Variants in LYRM7 observed in about 807,000 individuals in gnomAD.
LYRM7 encodes the protein LYR motif containing 7, also known as complex III assembly factor LYRM7.
A neutral mutation model predicts 15.8 loss-of-function variants in LYRM7; 9 were observed. That is an observed-to-expected ratio of 0.57 (90% CI 0.34 to 0.99). LYRM7 has a LOEUF of 0.99. LYRM7 is among the 50% of genes least tolerant of loss of function. The pLI is 0.02. For missense variants in LYRM7, 115 were observed against 119.1 expected (o/e 0.97, Z 0.16); for synonymous variants, 39 against 39.4 (o/e 0.99, Z 0.04).
At chr5:131,181,302 A>AATATATATATATATATATATATAT (rs1561544194) in intron 2 of LYRM7, among the ~76,000 whole-genome samples, 12 of 8,774 alleles carry the variant, frequency 1.4e-3, no homozygotes, top group East Asian at 3.3e-3. Context: ...AAAAAAAAAA[A>AATATATATATATATATATATATAT]ATATATATAT....
At chr5:131,180,009 C>T (rs1385990722) in intron 1 of LYRM7, 86 bp from the exon 2 acceptor site, 12 of 881,256 alleles carry the variant, frequency 1.4e-5, no homozygotes, top group East Asian at 1.0e-4. Flanking sequence ...TGGGCTAAAG[C>T]GATCCTGCTA....
rs1183966670 is a variant in LYRM7 at position 131,203,491 on chromosome 5, T to A, written c.*3890T>A. ...GGTGGATCACCTGAGGTTGGGAGTT[T>A]GAGACCAGCCTGACCAACATGGAGA... On this transcript the variant is annotated 3_prime_UTR_variant, in exon 5 of 5. Transcript: ENST00000379380. 1 of 152,196 alleles carries A rather than the reference T, an allele frequency of 6.6e-6. No homozygotes were observed. Among genetic ancestry groups the A allele is most frequent in the Non-Finnish European group, 1.5e-5 (1 of 68,072 alleles). 9.4% of individuals were successfully genotyped at this position (152,196 alleles called of 1,614,324 possible).
chr5:131,181,316 T>TATACATATATATATATATATAC (rs1208669077), intron 2 of LYRM7, among the ~76,000 whole-genome samples: 1 of 27,648 alleles, frequency 3.6e-5, no homozygotes, highest in African/African-American at 1.0e-4. Context: ...TATATATATA[T>TATACATATATATATATATATAC]ACACACACAC....
Position 131,201,927 on chromosome 5 carries a change from G to C in LYRM7, c.*2326G>C, listed in dbSNP as rs1310458046. The C allele has an allele frequency of 6.6e-6, 1 of 152,062 alleles. No individual in the cohort carries two copies. Among genetic ancestry groups the C allele is most frequent in the African/African-American group, 2.4e-5 (1 of 41,400 alleles). The allele number at this position is 152,062 out of a possible 1,614,324, so 9.4% of individuals were successfully genotyped here. ...ATGGTCCACTAAAGCCTTGACCCCTGGGGCTCAGCAGTTATGCCAACTAAG... is the reference window on the plus strand; with the variant it reads ...ATGGTCCACTAAAGCCTTGACCCCTCGGGCTCAGCAGTTATGCCAACTAAG... On this transcript the variant is annotated 3_prime_UTR_variant, in exon 5 of 5. Transcript: ENST00000379380.
At chr5:131,171,255 TCTTGGTACTAA>T (rs1755517988) in intron 1 of LYRM7, among the ~76,000 whole-genome samples, 2 of 152,210 alleles carry the variant, frequency 1.3e-5, no homozygotes, top group Middle Eastern at 3.4e-3. Flanking sequence ...GGTTCCTACT[TCTTGGTACTAA>T]CTTGGTACTC....
At chr5:131,181,127 C>T (rs1293303444) in intron 2 of LYRM7, among the ~76,000 whole-genome samples, 1 of 149,698 alleles carries the variant, frequency 6.7e-6, no homozygotes, top group Non-Finnish European at 1.5e-5. Context: ...CCCACCTCTA[C>T]TAAAAATACA....
intron 4 of LYRM7, among the ~76,000 whole-genome samples, chr5:131,195,949 C>G (rs1409098422): frequency 6.6e-6 from 1 of 152,128 alleles, no homozygotes; most frequent in Non-Finnish European, 1.5e-5. Flanking sequence ...AACACTAGCA[C>G]TGTAACCAAA....
intron 4 of LYRM7, among the ~76,000 whole-genome samples, chr5:131,189,752 C>T (rs1024372268): frequency 3.3e-5 from 5 of 152,158 alleles, no homozygotes; most frequent in Non-Finnish European, 5.9e-5. Flanking sequence ...TTGATTTTTA[C>T]AGCCTTATAA....
At chr5:131,177,461 T>A (rs1036515699) in intron 1 of LYRM7, among the ~76,000 whole-genome samples, 2 of 152,216 alleles carry the variant, frequency 1.3e-5, no homozygotes, top group African/African-American at 4.8e-5. Context: ...TCTGAAAATA[T>A]GTATTTGCCC....
At chr5:131,195,994 G>T (rs998658359) in intron 4 of LYRM7, among the ~76,000 whole-genome samples, 2 of 152,120 alleles carry the variant, frequency 1.3e-5, no homozygotes, top group East Asian at 1.9e-4. Context: ...GACCTGAGGG[G>T]ACAGGTAGTG....
chr5:131,179,596 G>C (rs1489321369), intron 1 of LYRM7, among the ~76,000 whole-genome samples: 2 of 149,976 alleles, frequency 1.3e-5, no homozygotes, highest in Non-Finnish European at 3.0e-5. Context: ...AGCCGCCCAA[G>C]TAGCTAGGAC....
At chr5:131,175,477 G>GCATGAGCAA (rs1464646385) in intron 1 of LYRM7, among the ~76,000 whole-genome samples, 2 of 152,072 alleles carry the variant, frequency 1.3e-5, no homozygotes, top group Admixed American at 6.6e-5. Context: ...AGGATTACAG[G>GCATGAGCAA]CATGAGCAAC....
Position 131,175,357 on chromosome 5 carries a change from G to C in LYRM7, c.18+4319G>C, listed in dbSNP as rs551658729. On this transcript the variant is annotated intron_variant, in intron 1 of 4. Transcript: ENST00000379380. ...TGGGATTGCAGGCATGCACCACCAT[G>C]CCCGGCTAATTTTGTATTTTTAGTA... Among the ~76,000 whole-genome samples, 17 of 151,406 alleles carry C rather than the reference G, an allele frequency of 1.1e-4. No individual in the cohort carries two copies. The South Asian group carries it at 1.5e-3, about 13-fold the overall frequency.
intron 1 of LYRM7, among the ~76,000 whole-genome samples, chr5:131,176,524 T>C (rs1233798667): frequency 1.3e-5 from 2 of 151,758 alleles, no homozygotes; most frequent in East Asian, 3.8e-4. Flanking sequence ...TTATGGGTTT[T>C]TTTTTTTTTG....
chr5:131,182,239 AAAGATAAATG>A lies in LYRM7; in HGVS notation c.107_116del (p.Ile36AsnfsTer14). Reference sequence around the variant, plus strand: ...TTTTTCTCTTTGTAGCAGCCAGAATAAAGATAAATGAAGAATTCAAAAATAATAAAAGTGA... The same window carrying A: ...TTTTTCTCTTTGTAGCAGCCAGAATAAAGAATTCAAAAATAATAAAAGTGA... On this transcript the variant is annotated frameshift_variant, in exon 3 of 5. Transcript: ENST00000379380. LOFTEE classifies it high-confidence loss of function. The A allele has an allele frequency of 7.0e-7, 1 of 1,433,802 alleles. No homozygotes were observed. The highest frequency in any genetic ancestry group is 9.5e-7 in the Non-Finnish European group (1 of 1,054,546). 88.8% of individuals were successfully genotyped at this position (1,433,802 alleles called of 1,614,324 possible).
At chr5:131,182,667 C>T (rs375191102) in intron 3 of LYRM7, among the ~76,000 whole-genome samples, 7 of 152,114 alleles carry the variant, frequency 4.6e-5, no homozygotes, top group Non-Finnish European at 5.9e-5. Context: ...CTGAACTAAG[C>T]GGTTAGATAT....
chr5:131,189,444 CAAAAAAAAAAAAA>C lies in LYRM7; in HGVS notation c.244+2350_244+2362del, dbSNP rs71000976. Among the ~76,000 whole-genome samples the C allele has an allele frequency of 2.4e-4, 11 of 46,182 alleles. 1 individual carries two copies. The highest frequency in any genetic ancestry group is 3.0e-4 in the Admixed American group (1 of 3,300). The allele number at this position is 46,182 out of a possible 152,430, so 30.3% of individuals were successfully genotyped here. On this transcript the variant is annotated intron_variant, in intron 4 of 4. Transcript: ENST00000379380. ...GGCAACAGAGCAAGACTCCGTCTCC[CAAAAAAAAAAAAA>C]AAAAAAAAAAAAAAGCTATATTGTT...
In LYRM7 at chr5:131,175,692, G is replaced by A. The variant is rs777673467; in HGVS notation, c.19-4403G>A. On this transcript the variant is annotated intron_variant, in intron 1 of 4. Coordinates refer to ENST00000379380, the MANE Select transcript of LYRM7 (RefSeq NM_181705.4). ...TAGGACTACAAGCACCCTCCACCAC[G>A]CCTGGCTAATTTTTTTATTTTTTGT... Among the ~76,000 whole-genome samples the A allele has an allele frequency of 8.6e-5, 13 of 151,550 alleles. No individual in the cohort carries two copies. The South Asian group carries it at 1.7e-3, about 20-fold the overall frequency.
At chr5:131,178,961 CAAAAAA>C (rs58612746) in intron 1 of LYRM7, among the ~76,000 whole-genome samples, 2 of 62,944 alleles carry the variant, frequency 3.2e-5, no homozygotes, top group East Asian at 5.3e-4. Flanking sequence ...GACTCCGTCT[CAAAAAA>C]AAAAAAAAAA....
Sources: gnomAD v4.1 joint callset for allele counts (sites outside exome capture counted in the v4.1 genomes callset) on GRCh38, gnomAD v4.1.1 for gene constraint, MANE v1.5 for transcripts, NCBI Gene and HGNC (gene_info 2026-07-23, HGNC 2026-07-21) for gene names.